The following KCTD1 variants were observed in gnomAD, a reference collection of about 807,000 sequenced individuals.
KCTD1 encodes the protein potassium channel tetramerization domain containing 1.
A neutral mutation model predicts 66.0 loss-of-function variants in KCTD1; 24 were observed. That is an observed-to-expected ratio of 0.36 (90% CI 0.26 to 0.51). The LOEUF is 0.51. Among genes scored for constraint, KCTD1 ranks in the 20% least tolerant of loss-of-function variants. The probability of loss-of-function intolerance (pLI) is 0.95; values close to 1 mark genes in which losing one functional copy is unlikely to be tolerated. For synonymous variants in KCTD1, 511 were observed against 517.2 expected, an observed-to-expected ratio of 0.99 and a Z score of 0.16; for missense variants, 943 against 1,205.2, an observed-to-expected ratio of 0.78 and a Z score of 3.22.
chr18:26,484,528 T>G (rs1981815878), intron 2 of KCTD1, among the ~76,000 whole-genome samples: 1 of 152,204 alleles, frequency 6.6e-6, no homozygotes, highest in African/African-American at 2.4e-5. Context: ...CTGGTAAGCT[T>G]ATTAATCCTC....
At chr18:26,497,817 G>A (rs1982555831) in intron 2 of KCTD1, among the ~76,000 whole-genome samples, 1 of 152,158 alleles carries the variant, frequency 6.6e-6, no homozygotes, top group African/African-American at 2.4e-5. Flanking sequence ...CTAATGATAA[G>A]GATGTCTCGG....
chr18:26,628,443 T>TA (rs1987548764), intron 1 of KCTD1, among the ~76,000 whole-genome samples: 3 of 152,198 alleles, frequency 2.0e-5, no homozygotes, highest in African/African-American at 7.2e-5. Flanking sequence ...TAAATCTTCT[T>TA]ACGGGCAATT....
At chr18:26,543,046 G>T (rs1985048557) in intron 1 of KCTD1, 1 of 152,150 alleles carries the variant, frequency 6.6e-6, no homozygotes, top group African/African-American at 2.4e-5. Flanking sequence ...GAGACTACTT[G>T]CCAGGTGGAA....
rs114318168 is a variant in KCTD1 at position 26,653,557 on chromosome 18, T to C, written c.9+3803A>G. Among the ~76,000 whole-genome samples the C allele has an allele frequency of 7.7e-3, 1,174 of 152,326 alleles. 15 individuals carry two copies. Among genetic ancestry groups the C allele is most frequent in the African/African-American group, 0.027 (1,123 of 41,580 alleles). On this transcript the variant is annotated intron_variant, in intron 1 of 4. Transcript: ENST00000580191. ...CTCTCTGTCTGGACTATAAGCTCCA[T>C]GAGATTGGAGGCTCTGAATGCTTTT...
At chr18:26,460,773 G>A (rs1980378346) in intron 3 of KCTD1, 2 of 152,280 alleles carry the variant, frequency 1.3e-5, no homozygotes, top group Non-Finnish European at 2.9e-5. Flanking sequence ...AATTGAAACA[G>A]AAACCTAACA....
chr18:26,510,597 T>C (rs1983283418), intron 1 of KCTD1, among the ~76,000 whole-genome samples: 3 of 152,216 alleles, frequency 2.0e-5, no homozygotes, highest in African/African-American at 4.8e-5. Context: ...AATATGTATC[T>C]GAGAAGCTCC....
chr18:26,510,098 C>T lies in KCTD1; in HGVS notation c.1810-8848G>A, dbSNP rs17189088. Reference sequence around the variant, plus strand: ...ACAGACAAGCCTTCTATGGGCCTAGCGAGAAGTACAGTGAACTACTCTAAG... The same window carrying T: ...ACAGACAAGCCTTCTATGGGCCTAGTGAGAAGTACAGTGAACTACTCTAAG... On this transcript the variant is annotated intron_variant, in intron 1 of 4. Coordinates refer to ENST00000580059, the MANE Select transcript of KCTD1 (RefSeq NM_001142730.3). Among the ~76,000 whole-genome samples the T allele has an allele frequency of 6.4e-3, 974 of 152,248 alleles. 10 individuals carry two copies. The highest frequency in any genetic ancestry group is 0.041 in the East Asian group (212 of 5,182).
intron 1 of KCTD1, among the ~76,000 whole-genome samples, chr18:26,511,503 G>T (rs560048817): frequency 8.5e-5 from 13 of 152,296 alleles, no homozygotes; most frequent in East Asian, 3.9e-4. Context: ...ACGCTGTTGT[G>T]GGGGGAAGAT....
At chr18:26,648,664 T>C (rs1465364360) in intron 1 of KCTD1, among the ~76,000 whole-genome samples, 1 of 152,242 alleles carries the variant, frequency 6.6e-6, no homozygotes, top group African/African-American at 2.4e-5. Context: ...GTAACGTTCC[T>C]AGCATATGGA....
intron 1 of KCTD1, chr18:26,543,547 C>T (rs1055314027): frequency 6.6e-6 from 1 of 152,254 alleles, no homozygotes; most frequent in African/African-American, 2.4e-5. Flanking sequence ...CTGGCTTCTC[C>T]TCAAAGGTAA....
chr18:26,549,592 C>T (rs1384080156), upstream of KCTD1: 5 of 772,946 alleles, frequency 6.5e-6, no homozygotes, highest in African/African-American at 5.7e-5. Context: ...ACACAACTCC[C>T]TCGGGCGAGG....
intron 1 of KCTD1, among the ~76,000 whole-genome samples, chr18:26,602,533 T>C (rs1986920701): frequency 6.6e-6 from 1 of 152,238 alleles, no homozygotes; most frequent in Non-Finnish European, 1.5e-5. Context: ...AACAAGCAAA[T>C]GGTATAAAAT....
chr18:26,463,698 G>A (rs538392998), intron 3 of KCTD1, among the ~76,000 whole-genome samples: 14 of 152,092 alleles, frequency 9.2e-5, no homozygotes, highest in South Asian at 2.1e-4. Flanking sequence ...CACTACGCCC[G>A]GCTAATTTTT....
At chr18:26,586,253 T>G (rs1435599242) in intron 1 of KCTD1, among the ~76,000 whole-genome samples, 1 of 152,206 alleles carries the variant, frequency 6.6e-6, no homozygotes, top group African/African-American at 2.4e-5. Flanking sequence ...TTCAAACTTT[T>G]TATTATTATT....
At chr18:26,536,086 A>G (rs1412038105) in intron 1 of KCTD1, among the ~76,000 whole-genome samples, 3 of 152,158 alleles carry the variant, frequency 2.0e-5, no homozygotes, top group Non-Finnish European at 4.4e-5. Flanking sequence ...CATACAGGAA[A>G]GCCCTTTGCT....
At chr18:26,463,196 C>G (rs1980532669) in intron 3 of KCTD1, among the ~76,000 whole-genome samples, 1 of 152,212 alleles carries the variant, frequency 6.6e-6, no homozygotes, top group African/African-American at 2.4e-5. Context: ...TGGCTCACAC[C>G]TGTAATTCCA....
intron 1 of KCTD1, among the ~76,000 whole-genome samples, chr18:26,573,392 A>G (rs1180963941): frequency 6.6e-6 from 1 of 152,330 alleles, no homozygotes; most frequent in Non-Finnish European, 1.5e-5. Context: ...TACGCTTAAA[A>G]ATTGTTAAGA....
upstream of KCTD1, among the ~76,000 whole-genome samples, chr18:26,550,605 C>CACACACACACACACACA (rs3220688): frequency 6.7e-6 from 1 of 149,986 alleles, no homozygotes; most frequent in African/African-American, 2.5e-5. This position sits in a 1 kb window ranked among gnomAD's most constrained non-coding sequence, Gnocchi z 5.4. Context: ...CACACACACA[C>CACACACACACACACACA]CACGCTCTCA....
chr18:26,482,745 T>C (rs1237523119), intron 2 of KCTD1, among the ~76,000 whole-genome samples: 1 of 151,886 alleles, frequency 6.6e-6, no homozygotes, highest in Non-Finnish European at 1.5e-5. Context: ...TCCTTTCAAC[T>C]CTCCCCTGTG....
Sources: gnomAD v4.1 joint callset for allele counts (sites outside exome capture counted in the v4.1 genomes callset) on GRCh38, gnomAD v4.1.1 for gene constraint, Gnocchi (gnomAD v3.1) non-coding constraint, MANE v1.5 for transcripts, NCBI Gene and HGNC (gene_info 2026-07-23, HGNC 2026-07-21) for gene names.